The following EPHA5 variants were observed in gnomAD, a reference collection of about 807,000 sequenced individuals.
EPHA5 encodes the protein EPH receptor A5.
A neutral mutation model predicts 105.0 loss-of-function variants in EPHA5; 60 were observed. The observed-to-expected ratio is 0.57, with a 90% CI of 0.46 to 0.71. EPHA5 has a LOEUF of 0.71. EPHA5 is among the 30% of genes least tolerant of loss of function. The pLI is 0.00. For synonymous variants in EPHA5, 513 were observed against 449.1 expected, an observed-to-expected ratio of 1.14 and a Z score of -1.80; for missense variants, 1,218 against 1,274.7, an observed-to-expected ratio of 0.96 and a Z score of 0.68.
At chr4:65,428,582 C>T (rs927292289) in intron 5 of EPHA5, among the ~76,000 whole-genome samples, 2 of 152,052 alleles carry the variant, frequency 1.3e-5, no homozygotes, top group African/African-American at 4.8e-5. Context: ...GACCATTTTA[C>T]CAAAACCTGG....
chr4:65,454,294 T>A (rs942305781), intron 5 of EPHA5, among the ~76,000 whole-genome samples: 3 of 150,998 alleles, frequency 2.0e-5, no homozygotes, highest in Non-Finnish European at 4.4e-5. Flanking sequence ...TAATAATAAA[T>A]AATAATAATA....
chr4:65,606,664 A>C (rs1003835226), intron 2 of EPHA5, among the ~76,000 whole-genome samples: 1 of 152,124 alleles, frequency 6.6e-6, no homozygotes, highest in Non-Finnish European at 1.5e-5. Flanking sequence ...CTGATAACTA[A>C]GTTTATTTTA....
intron 8 of EPHA5, among the ~76,000 whole-genome samples, chr4:65,371,483 T>G (rs1428976347): frequency 6.6e-6 from 1 of 152,054 alleles, no homozygotes; most frequent in East Asian, 1.9e-4. Flanking sequence ...TTGGTTGCAG[T>G]TATAATAACA....
At chr4:65,630,167 A>G (rs945012791) in intron 2 of EPHA5, among the ~76,000 whole-genome samples, 1 of 152,058 alleles carries the variant, frequency 6.6e-6, no homozygotes, top group Non-Finnish European at 1.5e-5. Flanking sequence ...TCTCTCTAAA[A>G]TAATCATTGG....
At chr4:65,421,298 C>A (rs141752265) in intron 5 of EPHA5, among the ~76,000 whole-genome samples, 2 of 152,036 alleles carry the variant, frequency 1.3e-5, no homozygotes, top group East Asian at 3.9e-4. Flanking sequence ...AGTCAAAGTT[C>A]TTTTTATCAA....
intron 13 of EPHA5, among the ~76,000 whole-genome samples, chr4:65,350,708 C>G (rs1016173184): frequency 6.6e-6 from 1 of 151,874 alleles, no homozygotes. Flanking sequence ...AATTATATAC[C>G]ATATCAATAC....
chr4:65,427,695 A>G (rs779942783), intron 5 of EPHA5, among the ~76,000 whole-genome samples: 10 of 152,178 alleles, frequency 6.6e-5, no homozygotes, highest in Non-Finnish European at 1.2e-4. Flanking sequence ...CAGTTATAGA[A>G]TTTCCAGAGA....
chr4:65,332,426 A>G (rs1720711272), intron 15 of EPHA5, among the ~76,000 whole-genome samples: 1 of 151,840 alleles, frequency 6.6e-6, no homozygotes, highest in Non-Finnish European at 1.5e-5. Flanking sequence ...TAATAGATGA[A>G]CACAGAATTT....
chr4:65,489,572 A>T (rs1334593421), intron 5 of EPHA5, among the ~76,000 whole-genome samples: 4 of 152,192 alleles, frequency 2.6e-5, no homozygotes, highest in Non-Finnish European at 5.9e-5. Flanking sequence ...TTGGTGGACA[A>T]AACATGCTAG....
At chr4:65,480,714 G>C (rs1730272126) in intron 5 of EPHA5, among the ~76,000 whole-genome samples, 1 of 152,142 alleles carries the variant, frequency 6.6e-6, no homozygotes, top group Admixed American at 6.5e-5. Flanking sequence ...GGCCAGATCT[G>C]TGGTAGCGTT....
chr4:65,574,198 G>A lies in EPHA5; in HGVS notation c.910+27443C>T, dbSNP rs1319334902. 4.4e-6 allele frequency: 7 copies of A among 1,604,154 alleles called. No individual in the cohort carries two copies. The East Asian group carries it at 6.7e-5, about 15-fold the overall frequency. ...GGGAAATATGAGATTACGGAGCAGCGCAAGATTGATCAGAAAGCTGTGGAC... is the reference window on the plus strand; with the variant it reads ...GGGAAATATGAGATTACGGAGCAGCACAAGATTGATCAGAAAGCTGTGGAC... On this transcript the variant is annotated intron_variant, in intron 3 of 16. Coordinates refer to ENST00000613740, the MANE Select transcript of EPHA5 (RefSeq NM_001281766.3).
At chr4:65,473,469 T>A (rs1729488320) in intron 5 of EPHA5, among the ~76,000 whole-genome samples, 1 of 152,088 alleles carries the variant, frequency 6.6e-6, no homozygotes, top group Non-Finnish European at 1.5e-5. Context: ...CTCAGGAAAG[T>A]TACAATTTTG....
intron 3 of EPHA5, among the ~76,000 whole-genome samples, chr4:65,529,860 G>A (rs1735598528): frequency 6.6e-6 from 1 of 152,002 alleles, no homozygotes. Context: ...GGTGGGTGTT[G>A]TTATTGGCCA....
At chr4:65,598,608 T>C (rs1249651197) in intron 3 of EPHA5, among the ~76,000 whole-genome samples, 3 of 152,292 alleles carry the variant, frequency 2.0e-5, no homozygotes, top group South Asian at 4.1e-4. Flanking sequence ...GGTAAAATAA[T>C]AGTTCTAAAT....
At chr4:65,504,145 T>A (rs1417490452) in intron 3 of EPHA5, among the ~76,000 whole-genome samples, 2 of 151,452 alleles carry the variant, frequency 1.3e-5, no homozygotes, top group African/African-American at 4.8e-5. Context: ...ATAGAAGTGT[T>A]TTATCACATA....
At chr4:65,659,577 C>T (rs568389998) in intron 1 of EPHA5, among the ~76,000 whole-genome samples, 3 of 151,982 alleles carry the variant, frequency 2.0e-5, no homozygotes, top group African/African-American at 7.2e-5. Context: ...ATCTCCAAGA[C>T]CTCACATACA....
chr4:65,421,162 T>C (rs1560519219), intron 5 of EPHA5, among the ~76,000 whole-genome samples: 2 of 152,102 alleles, frequency 1.3e-5, no homozygotes, highest in Non-Finnish European at 1.5e-5. Flanking sequence ...TAATCACTTC[T>C]GGTGATCATC....
chr4:65,454,981 CACGCCTGTAA>C (rs1257494888), intron 5 of EPHA5, among the ~76,000 whole-genome samples: 2 of 152,134 alleles, frequency 1.3e-5, no homozygotes, highest in East Asian at 3.9e-4. Flanking sequence ...CACGGTGGCT[CACGCCTGTAA>C]TCCCAGCACT....
chr4:65,476,202 T>C (rs1343742580), intron 5 of EPHA5, among the ~76,000 whole-genome samples: 5 of 150,376 alleles, frequency 3.3e-5, no homozygotes, highest in East Asian at 2.0e-4. Flanking sequence ...ATATACTAAA[T>C]CATAAATTCA....
Sources: allele counts gnomAD v4.1 joint callset (sites outside exome capture counted in the v4.1 genomes callset), GRCh38; gene constraint gnomAD v4.1.1; transcripts MANE v1.5; gene names NCBI Gene and HGNC (gene_info 2026-07-23, HGNC 2026-07-21).